LRRTM3: variants seen among roughly 807,000 people sequenced by gnomAD.
The protein encoded by LRRTM3 is leucine rich repeat transmembrane neuronal 3.
LRRTM3 carries 24 observed loss-of-function variants against 44.7 expected under a neutral mutation model. The observed-to-expected ratio is 0.54, with a 90% CI of 0.39 to 0.76. LRRTM3 has a LOEUF of 0.76. Among genes scored for constraint, LRRTM3 ranks in the 30% least tolerant of loss-of-function variants. The pLI is 0.00. For synonymous variants in LRRTM3, 277 were observed against 278.7 expected (o/e 0.99, Z 0.06); for missense variants, 587 against 702.2 (o/e 0.84, Z 1.85).
intron 2 of LRRTM3, among the ~76,000 whole-genome samples, chr10:67,016,982 T>C (rs897176198): frequency 6.6e-6 from 1 of 152,172 alleles, no homozygotes; most frequent in Non-Finnish European, 1.5e-5. Context: ...TTGTATCTAC[T>C]GAATACCTTC....
intron 2 of LRRTM3, among the ~76,000 whole-genome samples, chr10:67,089,794 ATCCATTGCCT>A (rs1225052937): frequency 2.7e-5 from 4 of 150,332 alleles, no homozygotes; most frequent in Non-Finnish European, 5.9e-5. Context: ...TAGGCCCCCC[ATCCATTGCCT>A]TCCTTTACTA....
intron 2 of LRRTM3, among the ~76,000 whole-genome samples, chr10:66,974,068 AG>A (rs1372731112): frequency 2.0e-5 from 3 of 152,338 alleles, no homozygotes; most frequent in East Asian, 1.9e-4. Context: ...TCACCAAAAA[AG>A]TTGCCCTGAG....
chr10:66,967,546 C>T (rs1849500370), intron 2 of LRRTM3, among the ~76,000 whole-genome samples: 1 of 152,024 alleles, frequency 6.6e-6, no homozygotes, highest in Non-Finnish European at 1.5e-5. Flanking sequence ...CTTGCATCTG[C>T]ACCCTCTATA....
At chr10:67,029,176 T>G (rs1853572634) in intron 2 of LRRTM3, among the ~76,000 whole-genome samples, 1 of 152,176 alleles carries the variant, frequency 6.6e-6, no homozygotes, top group African/African-American at 2.4e-5. Flanking sequence ...ATCCAGGCCA[T>G]TACTCCATAA....
chr10:67,066,689 A>G (rs1000729777), intron 2 of LRRTM3, among the ~76,000 whole-genome samples: 9 of 152,300 alleles, frequency 5.9e-5, no homozygotes, highest in Non-Finnish European at 7.4e-5. Context: ...ATTGTTAAAC[A>G]AATATTATCC....
chr10:66,930,673 T>G (rs1847327562), intron 2 of LRRTM3, among the ~76,000 whole-genome samples: 1 of 152,196 alleles, frequency 6.6e-6, no homozygotes, highest in Non-Finnish European at 1.5e-5. Flanking sequence ...ATATAAAATA[T>G]GCTTGCTGTA....
chr10:66,950,538 A>G (rs1310485721), intron 2 of LRRTM3, among the ~76,000 whole-genome samples: 1 of 152,102 alleles, frequency 6.6e-6, no homozygotes. Flanking sequence ...CAAAATATGT[A>G]TGATATTTGA....
At chr10:66,952,447 C>A (rs1352254932) in intron 2 of LRRTM3, among the ~76,000 whole-genome samples, 2 of 152,072 alleles carry the variant, frequency 1.3e-5, no homozygotes, top group Non-Finnish European at 2.9e-5. Flanking sequence ...CTACGAAGGG[C>A]CTTGGAGACG....
chr10:67,044,006 T>C (rs935406488), intron 2 of LRRTM3, among the ~76,000 whole-genome samples: 1 of 150,294 alleles, frequency 6.7e-6, no homozygotes, highest in African/African-American at 2.4e-5. Context: ...ATACACTGTG[T>C]GATGCTGAGG....
rs533955681 is a variant in LRRTM3 at position 66,948,783 on chromosome 10, TA to T, written c.1536+20339del. Among the ~76,000 whole-genome samples, 11 of 152,008 alleles carry T rather than the reference TA, an allele frequency of 7.2e-5. No individual in the cohort carries two copies. In the South Asian group the frequency reaches 2.1e-3, roughly 29 times the overall value. Reference sequence around the variant, plus strand: ...TTCCTATGATCCTATTAAAATGAAGTAAAAAAAATCCCAGAAACTCAATGTG... The same window carrying T: ...TTCCTATGATCCTATTAAAATGAAGTAAAAAAATCCCAGAAACTCAATGTG... On this transcript the variant is annotated intron_variant, in intron 2 of 2. Transcript: ENST00000361320.
chr10:67,072,192 G>A (rs1457438391), intron 2 of LRRTM3, among the ~76,000 whole-genome samples: 2 of 152,128 alleles, frequency 1.3e-5, no homozygotes, highest in African/African-American at 2.4e-5. Flanking sequence ...GGCCTCAAGT[G>A]ATCCTTCCAC....
chr10:67,014,560 C>T (rs1852540322), intron 2 of LRRTM3, among the ~76,000 whole-genome samples: 1 of 152,004 alleles, frequency 6.6e-6, no homozygotes, highest in Non-Finnish European at 1.5e-5. Flanking sequence ...TTATTTTGTA[C>T]TTCAATTCCA....
intron 2 of LRRTM3, among the ~76,000 whole-genome samples, chr10:66,943,574 T>G (rs898461350): frequency 6.6e-6 from 1 of 151,670 alleles, no homozygotes; most frequent in African/African-American, 2.4e-5. Flanking sequence ...AGCACAGCCT[T>G]AAGAAACTCT....
chr10:66,943,864 A>C (rs1166637418), intron 2 of LRRTM3, among the ~76,000 whole-genome samples: 2 of 152,188 alleles, frequency 1.3e-5, no homozygotes, highest in Non-Finnish European at 2.9e-5. Context: ...CACTATGTCA[A>C]AGAAACAATG....
At chr10:66,960,008 C>G (rs969798888) in intron 2 of LRRTM3, among the ~76,000 whole-genome samples, 3 of 152,082 alleles carry the variant, frequency 2.0e-5, no homozygotes, top group African/African-American at 7.2e-5. Context: ...ATAATTGTTT[C>G]CTTTCAGAAG....
At chr10:67,071,581 C>T (rs1268317509) in intron 2 of LRRTM3, among the ~76,000 whole-genome samples, 1 of 151,886 alleles carries the variant, frequency 6.6e-6, no homozygotes, top group Non-Finnish European at 1.5e-5. Flanking sequence ...TGAAATGTCC[C>T]TATGAATGTT....
At chr10:67,074,271 C>T (rs1261329937) in intron 2 of LRRTM3, among the ~76,000 whole-genome samples, 1 of 150,334 alleles carries the variant, frequency 6.7e-6, no homozygotes, top group Non-Finnish European at 1.5e-5. Context: ...ACCTCATGAT[C>T]TGCCCGCCTT....
rs367976356 is a variant in LRRTM3 at position 66,926,541 on chromosome 10, C to A, written c.-43C>A. On this transcript the variant is annotated 5_prime_UTR_variant, in exon 1 of 3. Transcript: ENST00000361320. Reference sequence around the variant, plus strand: ...GGCTGTCATGCAACTGGCCCCTAAGCCAAAGCAAAAGACCTAAGGACGACC... The same window carrying A: ...GGCTGTCATGCAACTGGCCCCTAAGACAAAGCAAAAGACCTAAGGACGACC... 15 of 1,612,854 alleles carry A rather than the reference C, an allele frequency of 9.3e-6. No individual in the cohort carries two copies. Among genetic ancestry groups the A allele is most frequent in the Non-Finnish European group, 1.3e-5 (15 of 1,179,560 alleles).
At chr10:66,968,766 C>T (rs989268901) in intron 2 of LRRTM3, among the ~76,000 whole-genome samples, 31 of 152,016 alleles carry the variant, frequency 2.0e-4, no homozygotes, top group African/African-American at 7.5e-4. Flanking sequence ...CCTGTAATCC[C>T]AGCACTTTGG....
Sources: allele counts gnomAD v4.1 joint callset (sites outside exome capture counted in the v4.1 genomes callset), GRCh38; gene constraint gnomAD v4.1.1; transcripts MANE v1.5; gene names NCBI Gene and HGNC (gene_info 2026-07-23, HGNC 2026-07-21).